Variants in FAF1 observed in about 807,000 individuals in gnomAD.
FAF1 encodes Fas associated factor 1.
A neutral mutation model predicts 92.5 loss-of-function variants in FAF1; 25 were observed. That is an observed-to-expected ratio of 0.27 (90% CI 0.20 to 0.38). The LOEUF (loss-of-function observed/expected upper bound fraction) is 0.38, where lower values mean the gene tolerates loss of function less well. FAF1 is among the 10% of genes least tolerant of loss of function. FAF1 has a pLI of 1.00. For missense variants in FAF1, 636 were observed against 793.3 expected (o/e 0.80, Z 2.38); for synonymous variants, 234 against 273.2 (o/e 0.86, Z 1.42).
chr1:50,775,778 AG>A (rs1256965942), intron 4 of FAF1, among the ~76,000 whole-genome samples: 1 of 152,198 alleles, frequency 6.6e-6, no homozygotes, highest in Non-Finnish European at 1.5e-5. Flanking sequence ...GGAGAGATTC[AG>A]TCATAATGTG....
chr1:50,680,549 G>A (rs1053841420), intron 7 of FAF1, among the ~76,000 whole-genome samples: 1 of 152,026 alleles, frequency 6.6e-6, no homozygotes, highest in Non-Finnish European at 1.5e-5. Context: ...CGGGTGTGGT[G>A]GTGGGTGTCT....
At chr1:50,607,292 T>G (rs1443899064) in intron 8 of FAF1, among the ~76,000 whole-genome samples, 2 of 152,214 alleles carry the variant, frequency 1.3e-5, no homozygotes, top group African/African-American at 4.8e-5. Context: ...GCAAAGGACC[T>G]GGGTTAAAAC....
At chr1:50,659,389 AC>A in intron 7 of FAF1, among the ~76,000 whole-genome samples, 1 of 152,054 alleles carries the variant, frequency 6.6e-6, no homozygotes, top group East Asian at 1.9e-4. Context: ...GGGGAAGGAC[AC>A]TGATTGATTT....
intron 8 of FAF1, among the ~76,000 whole-genome samples, chr1:50,613,708 T>C (rs2124145743): frequency 6.6e-6 from 1 of 152,174 alleles, no homozygotes; most frequent in East Asian, 1.9e-4. Context: ...ATACAAGAAA[T>C]AGTAAGTAAT....
intron 6 of FAF1, among the ~76,000 whole-genome samples, chr1:50,719,371 A>C (rs1658314414): frequency 6.6e-6 from 1 of 152,242 alleles, no homozygotes; most frequent in Non-Finnish European, 1.5e-5. Flanking sequence ...AACCATGTTT[A>C]ACGAAGGTTG....
intron 7 of FAF1, among the ~76,000 whole-genome samples, chr1:50,668,732 C>G (rs1047440594): frequency 6.6e-6 from 1 of 152,090 alleles, no homozygotes; most frequent in Non-Finnish European, 1.5e-5. Context: ...AAAACCCAAC[C>G]CAAGGATTCA....
At chr1:50,943,646 G>T (rs1285567615) in intron 1 of FAF1, among the ~76,000 whole-genome samples, 1 of 151,934 alleles carries the variant, frequency 6.6e-6, no homozygotes, top group Non-Finnish European at 1.5e-5. Context: ...ATTCTTCACA[G>T]GGTGTGCCTA....
At chr1:50,475,402 A>C in intron 18 of FAF1, 62 bp downstream of exon 18, 1 of 1,329,236 alleles carries the variant, frequency 7.5e-7, no homozygotes, top group Non-Finnish European at 1.1e-6. Flanking sequence ...TACTTTGTTC[A>C]GCTTTAATGA....
At chr1:50,711,198 G>A (rs991939716) in intron 6 of FAF1, among the ~76,000 whole-genome samples, 18 of 151,744 alleles carry the variant, frequency 1.2e-4, no homozygotes, top group African/African-American at 2.2e-4. Flanking sequence ...ATGAGCCACC[G>A]CACCCAGCCA....
intron 8 of FAF1, among the ~76,000 whole-genome samples, chr1:50,638,817 G>C (rs146196147): frequency 3.3e-5 from 5 of 151,994 alleles, no homozygotes; most frequent in African/African-American, 1.2e-4. Context: ...TGCTAAGTTA[G>C]TTTGCTTTTG....
At chr1:50,818,991 T>C (rs143427019) in intron 2 of FAF1, among the ~76,000 whole-genome samples, 7 of 152,348 alleles carry the variant, frequency 4.6e-5, no homozygotes, top group Non-Finnish European at 1.0e-4. Flanking sequence ...TGGCTTCATT[T>C]AGACTGTGAC....
At chr1:50,633,945 G>A (rs1257464681) in intron 8 of FAF1, among the ~76,000 whole-genome samples, 1 of 152,144 alleles carries the variant, frequency 6.6e-6, no homozygotes, top group East Asian at 1.9e-4. Context: ...GATCACAATT[G>A]TCAACAAACA....
intron 8 of FAF1, among the ~76,000 whole-genome samples, chr1:50,606,045 G>C (rs1652368141): frequency 6.6e-6 from 1 of 152,046 alleles, no homozygotes; most frequent in African/African-American, 2.4e-5. Flanking sequence ...GCAATAAAGA[G>C]ATAAGTGAAA....
chr1:50,581,822 T>C (rs2124005481), intron 12 of FAF1, among the ~76,000 whole-genome samples: 1 of 152,280 alleles, frequency 6.6e-6, no homozygotes, highest in East Asian at 1.9e-4. Flanking sequence ...AATGGTACAC[T>C]ATTGCCAGAT....
chr1:50,593,169 G>A (rs536574174), intron 9 of FAF1, among the ~76,000 whole-genome samples: 21 of 152,120 alleles, frequency 1.4e-4, no homozygotes, highest in African/African-American at 3.6e-4. Context: ...AGATATTACC[G>A]AGGTTGTGAA....
At chr1:50,443,744 T>C (rs1646196287) in intron 18 of FAF1, among the ~76,000 whole-genome samples, 1 of 152,204 alleles carries the variant, frequency 6.6e-6, no homozygotes, top group South Asian at 2.1e-4. Flanking sequence ...TCTGGTACAG[T>C]GTCTGAGCCA....
chr1:50,626,351 A>G (rs1018403908), intron 8 of FAF1, among the ~76,000 whole-genome samples: 1 of 152,194 alleles, frequency 6.6e-6, no homozygotes, highest in African/African-American at 2.4e-5. Context: ...TATGGTATAA[A>G]ATAGGAAATA....
At chr1:50,880,326 A>C in intron 1 of FAF1, among the ~76,000 whole-genome samples, 1 of 152,344 alleles carries the variant, frequency 6.6e-6, no homozygotes, top group South Asian at 2.1e-4. Context: ...GTGAGAGGAA[A>C]GGATTTTGTA....
intron 15 of FAF1, among the ~76,000 whole-genome samples, chr1:50,497,368 A>C (rs1222921710): frequency 6.6e-6 from 1 of 151,740 alleles, no homozygotes; most frequent in Non-Finnish European, 1.5e-5. Flanking sequence ...AACATATAAA[A>C]CCTGAAAAAA....
Sources: gnomAD v4.1 joint callset for allele counts (sites outside exome capture counted in the v4.1 genomes callset) on GRCh38, gnomAD v4.1.1 for gene constraint, MANE v1.5 for transcripts, NCBI Gene and HGNC (gene_info 2026-07-23, HGNC 2026-07-21) for gene names.